GPN3: variants seen among roughly 807,000 people sequenced by gnomAD.
GPN3 encodes GPN-loop GTPase 3, also known as ATP-binding domain 1 family member C.
A neutral mutation model predicts 38.7 loss-of-function variants in GPN3; 31 were observed. The ratio of observed to expected loss-of-function variants is 0.80; its 90% CI spans 0.60 to 1.08. GPN3 has a LOEUF of 1.08. GPN3 is among the 50% of genes least tolerant of loss of function. GPN3 has a pLI of 0.00. For synonymous variants in GPN3, 116 were observed against 120.2 expected, an observed-to-expected ratio of 0.96 and a Z score of 0.23; for missense variants, 301 against 354.4, an observed-to-expected ratio of 0.85 and a Z score of 1.21.
chr12:110,455,455 G>T, intron 6 of GPN3, 131 bp downstream of exon 6: 1 of 622,368 alleles, frequency 1.6e-6, no homozygotes, highest in Non-Finnish European at 2.9e-6. Flanking sequence ...TTAGAGATAG[G>T]GTGTCACTAT....
At chr12:110,466,184 G>A (rs2062626167) in intron 1 of GPN3, among the ~76,000 whole-genome samples, 1 of 152,046 alleles carries the variant, frequency 6.6e-6, no homozygotes, top group Admixed American at 6.6e-5. Flanking sequence ...GCAATACCTA[G>A]TACATAATAA....
chr12:110,467,707 A>G (rs1170529482), intron 1 of GPN3, among the ~76,000 whole-genome samples: 1 of 152,238 alleles, frequency 6.6e-6, no homozygotes, highest in Non-Finnish European at 1.5e-5. Context: ...AAAGCACCTT[A>G]AATACCAAAA....
intron 2 of GPN3, chr12:110,461,194 C>G (rs1453585699): frequency 1.5e-6 from 2 of 1,291,526 alleles, no homozygotes; most frequent in Non-Finnish European, 2.3e-6. Flanking sequence ...CCAGGCTCAA[C>G]AAAGCTGTCT....
chr12:110,466,224 T>TGTTTAAAGA (rs1228945269), intron 1 of GPN3, among the ~76,000 whole-genome samples: 2 of 152,322 alleles, frequency 1.3e-5, no homozygotes, highest in Admixed American at 1.3e-4. Flanking sequence ...AATTGACTTA[T>TGTTTAAAGA]TATGTTTAAA....
intron 1 of GPN3, among the ~76,000 whole-genome samples, chr12:110,466,378 G>C (rs1050334699): frequency 6.6e-6 from 1 of 152,230 alleles, no homozygotes; most frequent in South Asian, 2.1e-4. Context: ...AAAGATACTT[G>C]TTTAATACAA....
chr12:110,466,644 C>T (rs1387394869), intron 1 of GPN3, among the ~76,000 whole-genome samples: 1 of 152,024 alleles, frequency 6.6e-6, no homozygotes, highest in South Asian at 2.1e-4. Flanking sequence ...TATAGGCTCT[C>T]GCCACCATGC....
chr12:110,460,777 G>A (rs11611793), intron 2 of GPN3, among the ~76,000 whole-genome samples: 6 of 152,096 alleles, frequency 3.9e-5, no homozygotes, highest in African/African-American at 1.2e-4. Context: ...CCAGCCTGGC[G>A]AACATGGTGA....
At chr12:110,459,026 C>T (rs1017691483) in intron 3 of GPN3, among the ~76,000 whole-genome samples, 1 of 152,104 alleles carries the variant, frequency 6.6e-6, no homozygotes, top group African/African-American at 2.4e-5. Context: ...GCCTCAGATG[C>T]CTCTCTAACC....
chr12:110,468,205 T>C lies in GPN3; in HGVS notation c.-2A>G, dbSNP rs569872558. The C allele has an allele frequency of 1.2e-6, 2 of 1,606,482 alleles. No homozygotes were observed. The highest frequency in any genetic ancestry group is 2.2e-5 in the South Asian group (2 of 91,080). Reference sequence around the variant, plus strand: ...GACCAGCTGCGCATACCGAGGCATGTTGGCTCCCGGAGCCGCCCGCCACAC... The same window carrying C: ...GACCAGCTGCGCATACCGAGGCATGCTGGCTCCCGGAGCCGCCCGCCACAC... On this transcript the variant is annotated 5_prime_UTR_variant, in exon 1 of 8. Coordinates refer to ENST00000228827, the MANE Select transcript of GPN3 (RefSeq NM_016301.4).
At chr12:110,461,415 C>T in intron 2 of GPN3, 1 of 595,578 alleles carries the variant, frequency 1.7e-6, no homozygotes, top group Non-Finnish European at 2.9e-6. Flanking sequence ...AAAAAAAAGA[C>T]TCCATCTCAA....
At chr12:110,461,829 T>C (rs1027448335) in intron 2 of GPN3, among the ~76,000 whole-genome samples, 3 of 152,136 alleles carry the variant, frequency 2.0e-5, no homozygotes, top group Non-Finnish European at 4.4e-5. Flanking sequence ...CTGATCCAAA[T>C]TGGGACAATC....
At chr12:110,460,498 T>C (rs1014523814) in intron 2 of GPN3, among the ~76,000 whole-genome samples, 2 of 152,202 alleles carry the variant, frequency 1.3e-5, no homozygotes, top group African/African-American at 4.8e-5. Context: ...TCACTTTCCT[T>C]ATCCTGGGTT....
At chr12:110,465,482 C>T (rs745432070) in intron 1 of GPN3, among the ~76,000 whole-genome samples, 4 of 152,190 alleles carry the variant, frequency 2.6e-5, no homozygotes, top group Non-Finnish European at 4.4e-5. Context: ...AGGCTCCTTA[C>T]TGTTCTAAAT....
Position 110,468,209 on chromosome 12 carries a change from C to T in GPN3, c.-6G>A, listed in dbSNP as rs1300416939. 3.0e-5 allele frequency: 48 copies of T among 1,603,578 alleles called. No individual in the cohort carries two copies. Among genetic ancestry groups the T allele is most frequent in the East Asian group, 4.5e-5 (2 of 44,880 alleles). The stretch of plus-strand genomic sequence containing the variant: ...AGCTGCGCATACCGAGGCATGTTGG[C>T]TCCCGGAGCCGCCCGCCACACTCCC... On this transcript the variant is annotated 5_prime_UTR_variant, in exon 1 of 8. Transcript: ENST00000228827.
intron 2 of GPN3, 75 bp downstream of exon 2, chr12:110,465,031 T>C: frequency 1.2e-6 from 1 of 803,956 alleles, no homozygotes; most frequent in Non-Finnish European, 2.3e-6. Context: ...GTATCAGTGC[T>C]AAGCAGCTAG....
Position 110,468,154 on chromosome 12 carries a change from A to G in GPN3, c.48+2T>C. The G allele has an allele frequency of 6.2e-7, 1 of 1,613,372 alleles. No individual in the cohort carries two copies. The highest frequency in any genetic ancestry group is 8.5e-7 in the Non-Finnish European group (1 of 1,179,942). On this transcript the variant is annotated splice_donor_variant, in intron 1 of 7. Coordinates refer to ENST00000228827, the MANE Select transcript of GPN3 (RefSeq NM_016301.4). LOFTEE classifies it high-confidence loss of function. ...TCTCTCCTTGTCCCCGCAGATCCTC[A>G]CCTTCCCGCTGCCCGCGGGGCCCAT...
upstream of GPN3, chr12:110,468,316 G>A: frequency 2.5e-6 from 4 of 1,580,118 alleles, no homozygotes; most frequent in Non-Finnish European, 3.4e-6. Context: ...TACGCCTCCA[G>A]TTCTACCACA....
chr12:110,456,271 G>A (rs990946258), intron 4 of GPN3, among the ~76,000 whole-genome samples: 3 of 148,996 alleles, frequency 2.0e-5, no homozygotes, highest in African/African-American at 5.0e-5. Context: ...GGAGGTTCCC[G>A]TGAGCCAAGA....
At chr12:110,463,157 T>G (rs189113488) in intron 2 of GPN3, among the ~76,000 whole-genome samples, 53 of 152,220 alleles carry the variant, frequency 3.5e-4, no homozygotes, top group African/African-American at 1.2e-3. Context: ...CGGTGGCTCA[T>G]GCCTATTATC....
Sources: gnomAD v4.1 joint callset for allele counts (sites outside exome capture counted in the v4.1 genomes callset) on GRCh38, gnomAD v4.1.1 for gene constraint, MANE v1.5 for transcripts, NCBI Gene and HGNC (gene_info 2026-07-23, HGNC 2026-07-21) for gene names.